GATAD2B: variants seen among roughly 807,000 people sequenced by gnomAD.
GATAD2B encodes the protein GATA zinc finger domain containing 2B.
GATAD2B carries 8 observed loss-of-function variants against 64.3 expected under a neutral mutation model. The observed-to-expected ratio is 0.12, with a 90% CI of 0.07 to 0.22. The LOEUF (loss-of-function observed/expected upper bound fraction) is 0.22. Among genes scored for constraint, GATAD2B ranks in the 10% least tolerant of loss-of-function variants. GATAD2B has a pLI of 1.00. For synonymous variants in GATAD2B, 281 were observed against 271.3 expected (o/e 1.04, Z -0.35); for missense variants, 453 against 752.0 (o/e 0.60, Z 4.65).
rs1674248150 is a variant in GATAD2B at position 153,810,262 on chromosome 1, G to T, written c.1697C>A (p.Pro566His). The part of the protein sequence containing the change: ...LNTGIGGHKG[P>H]SLADRQREYL... ...TTCACGCTGTCGGTCTGCCAAACTG[G>T]GGCCTTTGTGTCCTCCGATGCCAGT... The change falls in exon 11 of 11, where the codon CCC (proline) becomes CAC (histidine). Residue 566 changes from proline (P) to histidine (H), a missense_variant. Pro to His is a moderately conservative substitution (Grantham distance 77). Transcript: ENST00000368655. The T allele has an allele frequency of 6.2e-7, 1 of 1,613,158 alleles. No individual in the cohort carries two copies.
intron 1 of GATAD2B, among the ~76,000 whole-genome samples, chr1:153,881,895 G>GC (rs1212433435): frequency 6.6e-6 from 1 of 151,952 alleles, no homozygotes; most frequent in East Asian, 1.9e-4. Flanking sequence ...CACAGAGGTG[G>GC]CCCCCATGCG....
intron 1 of GATAD2B, among the ~76,000 whole-genome samples, chr1:153,888,940 A>G (rs1677268627): frequency 6.6e-6 from 1 of 152,156 alleles, no homozygotes; most frequent in African/African-American, 2.4e-5. Flanking sequence ...AAAAATATAT[A>G]GCTACCCTCT....
At chr1:153,849,908 A>C (rs1006084436) in intron 1 of GATAD2B, among the ~76,000 whole-genome samples, 3 of 152,192 alleles carry the variant, frequency 2.0e-5, no homozygotes, top group Non-Finnish European at 4.4e-5. Flanking sequence ...CTGGGATTAC[A>C]GGCATGAGCT....
At chr1:153,836,937 G>A (rs1042270369) in intron 1 of GATAD2B, among the ~76,000 whole-genome samples, 1 of 152,164 alleles carries the variant, frequency 6.6e-6, no homozygotes, top group African/African-American at 2.4e-5. Context: ...GAGGTTGTGA[G>A]AAACCAGAAC....
At chr1:153,898,004 C>CAAAAAAAAAAAAAAAAAAA (rs60650122) in intron 1 of GATAD2B, among the ~76,000 whole-genome samples, 1 of 131,394 alleles carries the variant, frequency 7.6e-6, no homozygotes, top group African/African-American at 2.8e-5. Context: ...AAAAAAAAAA[C>CAAAAAAAAAAAAAAAAAAA]AAAAAAAAAA....
At chr1:153,823,625 C>T (rs1054782264) in intron 2 of GATAD2B, among the ~76,000 whole-genome samples, 3 of 152,106 alleles carry the variant, frequency 2.0e-5, no homozygotes, top group Non-Finnish European at 4.4e-5. Flanking sequence ...GCTGGGAATA[C>T]AGGCATGCAC....
intron 1 of GATAD2B, among the ~76,000 whole-genome samples, chr1:153,833,821 A>C (rs1360651941): frequency 6.9e-6 from 1 of 145,340 alleles, no homozygotes; most frequent in Non-Finnish European, 1.5e-5. Flanking sequence ...CAAAAAAAAA[A>C]AAAAAAAAAA....
intron 6 of GATAD2B, among the ~76,000 whole-genome samples, chr1:153,817,140 T>C (rs1393775532): frequency 1.3e-5 from 2 of 152,206 alleles, no homozygotes; most frequent in African/African-American, 4.8e-5. Flanking sequence ...TCTAGGCAGA[T>C]TTTTAGCTTA....
At chr1:153,904,650 T>G (rs1332444689) in intron 1 of GATAD2B, among the ~76,000 whole-genome samples, 4 of 151,942 alleles carry the variant, frequency 2.6e-5, no homozygotes, top group Non-Finnish European at 5.9e-5. Flanking sequence ...CAAGCAATTC[T>G]CCTGTTTCAG....
chr1:153,883,236 T>C (rs1303560496), intron 1 of GATAD2B, among the ~76,000 whole-genome samples: 2 of 152,220 alleles, frequency 1.3e-5, no homozygotes, highest in Non-Finnish European at 1.5e-5. Flanking sequence ...AAAAATATTA[T>C]TTCTAAATAA....
rs1192431384 is a variant in GATAD2B, at chr1:153,821,921, C to T, written c.336-2186G>A. Among the ~76,000 whole-genome samples, 4 of 151,876 alleles carry T rather than the reference C, an allele frequency of 2.6e-5. No individual in the cohort carries two copies. The South Asian group carries it at 8.3e-4, about 31-fold the overall frequency. On this transcript the variant is annotated intron_variant, in intron 2 of 10. Transcript: ENST00000368655. ...TCATTTCTATATTCCTTTATACTCC[C>T]CCTCTATGATTAACATGGGTCATTT...
chr1:153,915,053 ACT>A (rs1678220781), intron 1 of GATAD2B, among the ~76,000 whole-genome samples: 1 of 151,932 alleles, frequency 6.6e-6, no homozygotes, highest in South Asian at 2.1e-4. Flanking sequence ...CAAAACTCTG[ACT>A]CTGCTAAAAA....
At position 153,816,645 on chromosome 1, in the gene GATAD2B, T is replaced by TA; in HGVS notation, c.901-58dup. 3 of 1,186,660 alleles carry TA rather than the reference T, an allele frequency of 2.5e-6. No individual in the cohort carries two copies. The South Asian group carries it at 3.9e-5, about 15-fold the overall frequency. The allele number at this position is 1,186,660 out of a possible 1,614,324, so 73.5% of individuals were successfully genotyped here. On this transcript the variant is annotated intron_variant, in intron 6 of 10. Coordinates refer to ENST00000368655, the MANE Select transcript of GATAD2B (RefSeq NM_020699.4). This position sits in a 1 kb window ranked among gnomAD's most constrained non-coding sequence, Gnocchi z 4.9. ...GTATGCAGGAGAAAGGGCCAATTCT[T>TA]ACGTTCTTGGCAGAGGACACTGTCT...
intron 1 of GATAD2B, among the ~76,000 whole-genome samples, chr1:153,897,586 C>T (rs1485219139): frequency 6.6e-6 from 1 of 152,130 alleles, no homozygotes; most frequent in African/African-American, 2.4e-5. Context: ...AGACTAAGTA[C>T]ATATTTTCTA....
intron 1 of GATAD2B, among the ~76,000 whole-genome samples, chr1:153,908,786 A>AGG (rs1678028622): frequency 7.1e-6 from 1 of 141,168 alleles, no homozygotes. Flanking sequence ...TACTTGGAAA[A>AGG]AAAAAAAAAA....
intron 8 of GATAD2B, 177 bp from the exon 9 acceptor site, chr1:153,812,309 G>A: frequency 1.8e-6 from 1 of 559,670 alleles, no homozygotes; most frequent in Non-Finnish European, 3.2e-6. Context: ...GGGATTACAG[G>A]CATGAATCAC....
rs191236544 is a variant in GATAD2B at position 153,920,053 on chromosome 1, A to G, written c.-2+2680T>C. Among the ~76,000 whole-genome samples the G allele has an allele frequency of 1.5e-4, 23 of 152,326 alleles. No individual in the cohort carries two copies. In the East Asian group the frequency reaches 3.7e-3, roughly 24 times the overall value. Reference sequence around the variant, plus strand: ...GGGCTGCTTGTCAGCATGACTCCCAATGGGGTGGCTAACATGGAATATGCT... The same window carrying G: ...GGGCTGCTTGTCAGCATGACTCCCAGTGGGGTGGCTAACATGGAATATGCT... On this transcript the variant is annotated intron_variant, in intron 1 of 10. Coordinates refer to ENST00000368655, the MANE Select transcript of GATAD2B (RefSeq NM_020699.4).
chr1:153,807,740 G>A lies in GATAD2B; in HGVS notation c.*2437C>T, dbSNP rs919308367. ...GCTCCCAGGGAAAGGACTCAGCTCAGGGCAGGGCAGGGACAGCCCCCAGCC... is the reference window on the plus strand; with the variant it reads ...GCTCCCAGGGAAAGGACTCAGCTCAAGGCAGGGCAGGGACAGCCCCCAGCC... On this transcript the variant is annotated 3_prime_UTR_variant, in exon 11 of 11. Coordinates refer to ENST00000368655, the MANE Select transcript of GATAD2B (RefSeq NM_020699.4). 2.0e-5 allele frequency: 3 copies of A among 152,866 alleles called. No individual in the cohort carries two copies. Among genetic ancestry groups the A allele is most frequent in the Non-Finnish European group, 4.4e-5 (3 of 68,264 alleles). 9.5% of individuals were successfully genotyped at this position (152,866 alleles called of 1,614,324 possible).
intron 1 of GATAD2B, among the ~76,000 whole-genome samples, chr1:153,887,975 T>C (rs936814863): frequency 2.6e-5 from 4 of 151,660 alleles, no homozygotes; most frequent in African/African-American, 9.7e-5. Flanking sequence ...TAATCCCAGC[T>C]AATCAGGAGG....
Sources: gnomAD v4.1 joint callset for allele counts (sites outside exome capture counted in the v4.1 genomes callset) on GRCh38, gnomAD v4.1.1 for gene constraint, Gnocchi (gnomAD v3.1) non-coding constraint, MANE v1.5 for transcripts, NCBI Gene and HGNC (gene_info 2026-07-23, HGNC 2026-07-21) for gene names.